CPVL: variants seen among roughly 807,000 people sequenced by gnomAD.
CPVL encodes probable serine carboxypeptidase CPVL.
Under a neutral mutation model 63.7 loss-of-function variants are expected in CPVL, and 51 were observed. The observed-to-expected ratio is 0.80, with a 90% CI of 0.64 to 1.01. The LOEUF (loss-of-function observed/expected upper bound fraction) is 1.01, where lower values mean the gene tolerates loss of function less well. CPVL is among the 50% of genes least tolerant of loss of function. The pLI is 0.00. For synonymous variants in CPVL, 195 were observed against 206.0 expected (o/e 0.95, Z 0.46); for missense variants, 530 against 573.1 (o/e 0.92, Z 0.77).
intron 11 of CPVL, among the ~76,000 whole-genome samples, chr7:29,039,664 A>T (rs1788879054): frequency 7.0e-6 from 1 of 142,350 alleles, no homozygotes; most frequent in Non-Finnish European, 1.5e-5. Flanking sequence ...TGTTGTGGTT[A>T]AAAAAAAAAA....
intron 1 of CPVL, among the ~76,000 whole-genome samples, chr7:29,124,008 T>G (rs245857): frequency 0.91 from 137,874 of 152,136 alleles, 62,680 homozygotes; most frequent in East Asian, 1. Flanking sequence ...GGTTTCCCAT[T>G]CAGGTGAATT....
intron 3 of CPVL, among the ~76,000 whole-genome samples, chr7:29,109,107 G>A (rs1388311518): frequency 1.3e-5 from 2 of 152,182 alleles, no homozygotes; most frequent in East Asian, 3.9e-4. Flanking sequence ...CACATAGTCA[G>A]TGTTCAATTA....
Position 29,092,694 on chromosome 7 carries a change from T to C in CPVL, c.471A>G (p.Thr157=). 6.2e-7 allele frequency: 1 copy of C among 1,612,108 alleles called. No individual in the cohort carries two copies. The highest frequency in any genetic ancestry group is 8.5e-7 in the Non-Finnish European group (1 of 1,178,170). Residue 157 remains threonine (T), a synonymous_variant, in exon 6 of 13, where the codon ACA becomes ACG. Coordinates refer to ENST00000265394, the MANE Select transcript of CPVL (RefSeq NM_031311.5). The part of the protein sequence containing the change: ...SMLYIDNPVG[T]GFSFTDDTHG... ...GGGTATCATCAGTAAAACTGAAGCC[T>C]GTGCCCACCTGCAGGAGAAATAAAC...
intron 5 of CPVL, among the ~76,000 whole-genome samples, chr7:29,168,511 A>G (rs1411106000): frequency 1.3e-5 from 2 of 151,972 alleles, no homozygotes; most frequent in African/African-American, 4.8e-5. Context: ...CATTCCTCCC[A>G]CCCCTGGATT....
At chr7:29,011,506 T>C (rs141037104) in intron 12 of CPVL, 105 of 152,304 alleles carry the variant, frequency 6.9e-4, no homozygotes, top group African/African-American at 2.3e-3. Context: ...GCCTGGGAGT[T>C]CAAGGCTAAA....
chr7:29,030,804 G>A (rs184190056), intron 11 of CPVL, 45 bp from the exon 12 acceptor site: 2 of 1,514,558 alleles, frequency 1.3e-6, no homozygotes, highest in East Asian at 2.3e-5. Context: ...TTCAGGAGGT[G>A]AAGCTCATGA....
At chr7:29,069,939 G>C (rs532778526) in intron 9 of CPVL, among the ~76,000 whole-genome samples, 26 of 151,912 alleles carry the variant, frequency 1.7e-4, no homozygotes, top group Non-Finnish European at 3.2e-4. Flanking sequence ...CGTCAAACAG[G>C]CTTTATCATT....
intron 9 of CPVL, among the ~76,000 whole-genome samples, chr7:29,068,674 G>A (rs1338128243): frequency 1.3e-5 from 2 of 150,536 alleles, no homozygotes. Context: ...CAGAGGAGGT[G>A]TCTTTTTCTT....
At position 29,064,195 on chromosome 7, in the gene CPVL, G is replaced by A. The variant is rs1448600180; in HGVS notation, c.1003C>T (p.Leu335Phe). The A allele has an allele frequency of 6.2e-7, 1 of 1,613,262 alleles. No homozygotes were observed. Among genetic ancestry groups the A allele is most frequent in the Non-Finnish European group, 8.5e-7 (1 of 1,179,414 alleles). Residue 335 changes from leucine (L) to phenylalanine (F), a missense_variant, in exon 11 of 13, where the codon CTC becomes TTC. Coordinates refer to ENST00000265394, the MANE Select transcript of CPVL (RefSeq NM_031311.5). Reference sequence around the variant, plus strand: ...TGGATGGCTTGTCTCACCTCTGGGAGTGACAAAAATTTCACATAGTAAAGC... The same window carrying A: ...TGGATGGCTTGTCTCACCTCTGGGAATGACAAAAATTTCACATAGTAAAGC... ...DQLYYVKFLS[L>F]PEVRQAIHVG...
intron 1 of CPVL, among the ~76,000 whole-genome samples, chr7:29,138,303 G>A (rs765788094): frequency 3.9e-5 from 6 of 152,156 alleles, no homozygotes; most frequent in Non-Finnish European, 7.4e-5. Context: ...AGCCAGGCTT[G>A]GTGGTATGTG....
chr7:29,109,052 A>T (rs903802317), intron 3 of CPVL, among the ~76,000 whole-genome samples: 2 of 152,168 alleles, frequency 1.3e-5, no homozygotes, highest in East Asian at 3.9e-4. Context: ...TTCCTTCCTC[A>T]TGGGGTTCAG....
chr7:29,146,618 C>T (rs1792719441), upstream of CPVL: 1 of 1,550,490 alleles, frequency 6.4e-7, no homozygotes, highest in African/African-American at 1.4e-5. Context: ...AGTGCGTCGT[C>T]GTGTCCCAAC....
intron 9 of CPVL, 48 bp downstream of exon 9, chr7:29,071,725 C>CCAAA: frequency 6.9e-7 from 1 of 1,444,884 alleles, no homozygotes; most frequent in South Asian, 1.3e-5. Context: ...CCTCCCTCCC[C>CCAAA]AGATGGTTTT....
chr7:29,077,975 G>C (rs1784380700), intron 7 of CPVL, among the ~76,000 whole-genome samples: 1 of 152,108 alleles, frequency 6.6e-6, no homozygotes, highest in Non-Finnish European at 1.5e-5. Context: ...GAGAAGTGTG[G>C]CCTTAAAATG....
At chr7:29,075,328 C>T (rs1317070522) in intron 7 of CPVL, among the ~76,000 whole-genome samples, 3 of 152,114 alleles carry the variant, frequency 2.0e-5, no homozygotes, top group Non-Finnish European at 4.4e-5. Context: ...CAGGCTACCT[C>T]ACCTACTTTA....
chr7:29,030,648 T>C lies in CPVL; in HGVS notation c.1249A>G (p.Lys417Glu). Residue 417 changes from lysine to glutamate, a missense_variant, in exon 12 of 13, where the codon AAA becomes GAA. By Grantham distance (56) the Lys-to-Glu change is moderately conservative (BLOSUM62 1). Transcript: ENST00000265394. Reference protein sequence around the residue: ...GSQEYKKAEKKVWKIFKSDSE... With the variant: ...GSQEYKKAEKEVWKIFKSDSE... ...TCAGATTTAAAGATCTTCCAAACTTTTTTTTCTGCCTTCTTGTATTCCTGG... is the reference window on the plus strand; with the variant it reads ...TCAGATTTAAAGATCTTCCAAACTTCTTTTTCTGCCTTCTTGTATTCCTGG... 1 of 1,613,940 alleles carries C rather than the reference T, an allele frequency of 6.2e-7. No individual in the cohort carries two copies. The highest frequency in any genetic ancestry group is 8.5e-7 in the Non-Finnish European group (1 of 1,179,924).
intron 3 of CPVL, among the ~76,000 whole-genome samples, chr7:29,103,245 T>C (rs1361092387): frequency 1.7e-5 from 1 of 59,320 alleles, no homozygotes; most frequent in African/African-American, 8.4e-5. Flanking sequence ...TAATTGTTGT[T>C]TTGTTTTTTT....
chr7:29,043,237 A>AG (rs1789294329), intron 11 of CPVL, among the ~76,000 whole-genome samples: 1 of 81,902 alleles, frequency 1.2e-5, no homozygotes, highest in African/African-American at 3.8e-5. Context: ...ACTTTTCTTT[A>AG]CCTTTTTTTT....
At chr7:29,041,590 T>G (rs1164862101) in intron 11 of CPVL, among the ~76,000 whole-genome samples, 1 of 152,062 alleles carries the variant, frequency 6.6e-6, no homozygotes, top group Non-Finnish European at 1.5e-5. Context: ...TTTCTCCACA[T>G]CATTAAATAT....
Sources: allele counts gnomAD v4.1 joint callset (sites outside exome capture counted in the v4.1 genomes callset), GRCh38; gene constraint gnomAD v4.1.1; transcripts MANE v1.5; gene names NCBI Gene and HGNC (gene_info 2026-07-23, HGNC 2026-07-21).